Variants in BRD10 observed in about 807,000 individuals in gnomAD.
BRD10 encodes uncharacterized bromodomain-containing protein 10.
At chr9:5,966,682 A>G in the BRD10 span, among the ~76,000 whole-genome samples, 1 of 151,650 alleles carries the variant, frequency 6.6e-6, no homozygotes, top group East Asian at 1.9e-4. Flanking sequence ...CTGGTCTCCA[A>G]CTCCCGACCT....
chr9:5,935,091 TATAATA>T, the BRD10 span, among the ~76,000 whole-genome samples: 1 of 152,164 alleles, frequency 6.6e-6, no homozygotes, highest in East Asian at 1.9e-4. Flanking sequence ...ATTTTGACAG[TATAATA>T]CATATAAATA....
At chr9:5,888,685 G>C in the BRD10 span, among the ~76,000 whole-genome samples, 294 of 152,330 alleles carry the variant, frequency 1.9e-3, no homozygotes, top group African/African-American at 6.4e-3. Context: ...ACAACGACCA[G>C]TTGAGAACAA....
the BRD10 span, among the ~76,000 whole-genome samples, chr9:5,894,473 G>C: frequency 1.3e-5 from 2 of 152,188 alleles, no homozygotes; most frequent in African/African-American, 4.8e-5. This position sits in a 1 kb window ranked among gnomAD's most constrained non-coding sequence, Gnocchi z 4.0. Flanking sequence ...AGGACCTAGA[G>C]TTGGGAGGAG....
At chr9:6,007,867 A>C in the BRD10 span, 5 of 1,346,272 alleles carry the variant, frequency 3.7e-6, no homozygotes, top group South Asian at 3.6e-5. Flanking sequence ...CCGCTTCCTC[A>C]CGGCTCGGCC....
At chr9:5,969,279 G>T in the BRD10 span, 1 of 1,613,840 alleles carries the variant, frequency 6.2e-7, no homozygotes, top group Non-Finnish European at 8.5e-7. Flanking sequence ...GGCAAATTTA[G>T]AATTTGCTGA....
the BRD10 span, among the ~76,000 whole-genome samples, chr9:5,940,653 G>C: frequency 6.6e-6 from 1 of 152,146 alleles, no homozygotes; most frequent in Admixed American, 6.5e-5. Context: ...CACTACGAGG[G>C]GTGGTCTGCT....
At chr9:5,922,591 A>ATGT in the BRD10 span, 1 of 1,613,990 alleles carries the variant, frequency 6.2e-7, no homozygotes. Context: ...AAGATGAACA[A>ATGT]TGTTGTTCTG....
At chr9:5,975,903 G>T in the BRD10 span, among the ~76,000 whole-genome samples, 2 of 152,158 alleles carry the variant, frequency 1.3e-5, no homozygotes, top group African/African-American at 4.8e-5. Flanking sequence ...AATAATATAT[G>T]AGATGGACGA....
chr9:5,918,685 AACC>A, the BRD10 span, among the ~76,000 whole-genome samples: 1 of 151,284 alleles, frequency 6.6e-6, no homozygotes, highest in African/African-American at 2.4e-5. Flanking sequence ...GTGGCAAAAA[AACC>A]ACAATTACTT....
At chr9:5,922,304 G>A in the BRD10 span, 1 of 1,613,956 alleles carries the variant, frequency 6.2e-7, no homozygotes, top group East Asian at 2.2e-5. Context: ...CTGACCTGTG[G>A]AGGAAATGGT....
the BRD10 span, among the ~76,000 whole-genome samples, chr9:5,940,433 T>G: frequency 9.9e-4 from 150 of 152,242 alleles, no homozygotes; most frequent in Middle Eastern, 3.4e-3. Context: ...AACCTTGTGA[T>G]CCGCCCACCT....
chr9:5,887,059 G>C, the BRD10 span, among the ~76,000 whole-genome samples: 2 of 152,148 alleles, frequency 1.3e-5, no homozygotes, highest in Admixed American at 1.3e-4. Flanking sequence ...AGGAGTTCGA[G>C]ACCAGCCTGG....
the BRD10 span, among the ~76,000 whole-genome samples, chr9:5,942,203 A>G: frequency 6.6e-6 from 1 of 152,052 alleles, no homozygotes; most frequent in Non-Finnish European, 1.5e-5. Flanking sequence ...GGCTTCCTAT[A>G]TATAACAATA....
chr9:5,984,184 A>G, the BRD10 span, among the ~76,000 whole-genome samples: 1 of 152,172 alleles, frequency 6.6e-6, no homozygotes, highest in Non-Finnish European at 1.5e-5. Flanking sequence ...GAATGTTGGG[A>G]AGGGTAAAGG....
At chr9:5,891,988 G>C in the BRD10 span, among the ~76,000 whole-genome samples, 1 of 152,208 alleles carries the variant, frequency 6.6e-6, no homozygotes, top group African/African-American at 2.4e-5. Flanking sequence ...ATGTATCATA[G>C]CCTCTGTTTG....
chr9:5,920,076 T>G, the BRD10 span: 4 of 1,613,826 alleles, frequency 2.5e-6, no homozygotes, highest in Non-Finnish European at 3.4e-6. Flanking sequence ...GGTATAGAAC[T>G]TGCATTCCCA....
the BRD10 span, among the ~76,000 whole-genome samples, chr9:5,939,217 C>T: frequency 1.1e-4 from 17 of 151,946 alleles, no homozygotes; most frequent in Middle Eastern, 3.3e-3. Context: ...ACTTATTACA[C>T]GTAGTTTTAT....
chr9:5,895,916 G>C, the BRD10 span, among the ~76,000 whole-genome samples: 1 of 152,356 alleles, frequency 6.6e-6, no homozygotes, highest in African/African-American at 2.4e-5. Flanking sequence ...AGCTCTGACT[G>C]TGTCAAGATA....
At chr9:5,968,690 C>A in the BRD10 span, 3 of 1,613,860 alleles carry the variant, frequency 1.9e-6, no homozygotes, top group Non-Finnish European at 2.5e-6. Context: ...AACATAGTCA[C>A]ACTTCAATTT....
Sources: gnomAD v4.1 joint callset for allele counts (sites outside exome capture counted in the v4.1 genomes callset) on GRCh38, gnomAD v4.1.1 for gene constraint, Gnocchi (gnomAD v3.1) non-coding constraint, MANE v1.5 for transcripts, NCBI Gene and HGNC (gene_info 2026-07-23, HGNC 2026-07-21) for gene names.